KNTC1: variants seen among roughly 807,000 people sequenced by gnomAD.
KNTC1 encodes kinetochore associated 1.
A neutral mutation model predicts 314.4 loss-of-function variants in KNTC1; 253 were observed. The ratio of observed to expected loss-of-function variants is 0.80; its 90% CI spans 0.73 to 0.89. The LOEUF (loss-of-function observed/expected upper bound fraction) is 0.89. KNTC1 is among the 40% of genes least tolerant of loss of function. The probability of loss-of-function intolerance (pLI) is 0.00; values close to 1 mark genes in which losing one functional copy is unlikely to be tolerated. For synonymous variants in KNTC1, 901 were observed against 901.4 expected, an observed-to-expected ratio of 1.00 and a Z score of 0.01; for missense variants, 2,475 against 2,572.9, an observed-to-expected ratio of 0.96 and a Z score of 0.82.
chr12:122,583,001 C>A lies in KNTC1; in HGVS notation c.3263+16C>A. ...AAAAATGCAGGTGACATTCCAGATC[C>A]CTGAATTGCATAGCTTCTCTGAAAT... is the stretch of plus-strand genomic sequence containing the variant. On this transcript the variant is annotated intron_variant, in intron 34 of 63. Transcript: ENST00000333479. 2 of 1,590,740 alleles carry A rather than the reference C, an allele frequency of 1.3e-6. No homozygotes were observed. The highest frequency in any genetic ancestry group is 8.6e-7 in the Non-Finnish European group (1 of 1,166,074).
In KNTC1 at chr12:122,611,016, A is replaced by G. The variant is rs182939194; in HGVS notation, c.5622+116A>G. ...GATGATTCAGATAATGCTCACGTAC[A>G]TATGTATTCAAAGTCTGTCTCATCT... is the stretch of plus-strand genomic sequence containing the variant. On this transcript the variant is annotated intron_variant, in intron 53 of 63. Transcript: ENST00000333479. 9.6e-6 allele frequency: 7 copies of G among 729,134 alleles called. No homozygotes were observed. The East Asian group carries it at 1.0e-4, about 11-fold the overall frequency. The allele number at this position is 729,134 out of a possible 1,614,324, so 45.2% of individuals were successfully genotyped here.
intron 40 of KNTC1, among the ~76,000 whole-genome samples, chr12:122,589,620 T>G (rs61954972): frequency 0.78 from 118,150 of 150,956 alleles, 46,686 homozygotes; most frequent in African/African-American, 0.88. Context: ...CTGCTGGTGT[T>G]TTACCATGCC....
At chr12:122,612,273 C>G (rs1419041323) in intron 53 of KNTC1, among the ~76,000 whole-genome samples, 1 of 151,400 alleles carries the variant, frequency 6.6e-6, no homozygotes, top group Non-Finnish European at 1.5e-5. Flanking sequence ...ACCATGTTGG[C>G]CAGGCTGGTC....
At chr12:122,603,285 A>T in intron 48 of KNTC1, 42 bp downstream of exon 48, 1 of 1,330,646 alleles carries the variant, frequency 7.5e-7, no homozygotes, top group African/African-American at 1.5e-5. Context: ...AAAAAAAAAA[A>T]AAGTACTCTT....
intron 2 of KNTC1, among the ~76,000 whole-genome samples, chr12:122,531,681 A>G (rs181511616): frequency 2.0e-4 from 31 of 152,260 alleles, no homozygotes; most frequent in African/African-American, 6.0e-4. Flanking sequence ...GAATCCTTCG[A>G]GACATCTGAA....
intron 42 of KNTC1, among the ~76,000 whole-genome samples, chr12:122,592,019 T>C (rs2138050587): frequency 6.6e-6 from 1 of 152,182 alleles, no homozygotes; most frequent in South Asian, 2.1e-4. Context: ...CAGGGAGGTG[T>C]GGAGGGAGAG....
At chr12:122,590,134 A>G (rs963497861) in intron 40 of KNTC1, among the ~76,000 whole-genome samples, 3 of 152,146 alleles carry the variant, frequency 2.0e-5, no homozygotes, top group Non-Finnish European at 4.4e-5. Flanking sequence ...AATTTTAAGA[A>G]TAGCACAAAG....
chr12:122,582,586 A>G (rs993431960), intron 33 of KNTC1, 119 bp from the exon 34 acceptor site: 3 of 901,100 alleles, frequency 3.3e-6, no homozygotes, highest in African/African-American at 1.7e-5. Context: ...AAGCCCAGAC[A>G]TGTACCCCTG....
At chr12:122,618,624 G>T in intron 59 of KNTC1, 79 bp downstream of exon 59, 1 of 1,030,316 alleles carries the variant, frequency 9.7e-7, no homozygotes, top group South Asian at 1.3e-5. Context: ...TATCTCTAAT[G>T]AGTAATTCCT....
At chr12:122,573,661 C>T (rs574201678) in intron 26 of KNTC1, among the ~76,000 whole-genome samples, 1 of 152,264 alleles carries the variant, frequency 6.6e-6, no homozygotes, top group Admixed American at 6.5e-5. Flanking sequence ...GTAAGAAGTA[C>T]ATTGGTTCGA....
At chr12:122,531,706 A>G (rs1191407933) in intron 2 of KNTC1, among the ~76,000 whole-genome samples, 2 of 151,970 alleles carry the variant, frequency 1.3e-5, no homozygotes, top group African/African-American at 4.8e-5. Context: ...CAGTTTCTAT[A>G]ATGAGGAAAT....
chr12:122,617,575 T>G, intron 57 of KNTC1: 1 of 204,590 alleles, frequency 4.9e-6, no homozygotes, highest in South Asian at 6.7e-5. Context: ...GTCCCCTTCC[T>G]TCTTTCCTGT....
chr12:122,536,929 A>G (rs1432827946), intron 3 of KNTC1, among the ~76,000 whole-genome samples: 1 of 152,246 alleles, frequency 6.6e-6, no homozygotes, highest in African/African-American at 2.4e-5. Context: ...TGATTGCAAC[A>G]TGGAGGCAAG....
chr12:122,535,470 G>A (rs1961720369), intron 3 of KNTC1, among the ~76,000 whole-genome samples: 1 of 152,088 alleles, frequency 6.6e-6, no homozygotes, highest in African/African-American at 2.4e-5. Flanking sequence ...GTGAAATCCC[G>A]TTTTCTCTAC....
chr12:122,619,603 G>A (rs538190381), intron 59 of KNTC1, among the ~76,000 whole-genome samples: 3 of 151,936 alleles, frequency 2.0e-5, no homozygotes, highest in South Asian at 2.1e-4. Context: ...TAATAGAGAC[G>A]GGGTTTCTCC....
chr12:122,566,096 C>T (rs1207208961), intron 20 of KNTC1, among the ~76,000 whole-genome samples: 1 of 151,688 alleles, frequency 6.6e-6, no homozygotes, highest in Admixed American at 6.6e-5. Flanking sequence ...GCGTCTGCCA[C>T]CACACCCAGC....
At position 122,574,988 on chromosome 12, in the gene KNTC1, C is replaced by T. The variant is rs139552046; in HGVS notation, c.2383-555C>T. Among the ~76,000 whole-genome samples, 215 of 152,322 alleles carry T rather than the reference C, an allele frequency of 1.4e-3. 1 individual carries two copies. Among genetic ancestry groups the T allele is most frequent in the African/African-American group, 5.1e-3 (210 of 41,576 alleles). On this transcript the variant is annotated intron_variant, in intron 27 of 63. Transcript: ENST00000333479. The stretch of plus-strand genomic sequence containing the variant: ...TTAAACCAGAGACTGAGGCTGGACA[C>T]AGTGGCTCATGCCTGTAATCCCAGC...
chr12:122,569,789 A>C lies in KNTC1; in HGVS notation c.1825A>C (p.Ile609Leu). Residue 609 changes from isoleucine to leucine, a missense_variant, in exon 22 of 64, where the codon ATT becomes CTT. Ile to Leu is a conservative substitution (Grantham distance 5). Transcript: ENST00000333479. ...GTGTCCATGGTTTAAAAATGATGTGATTCCATTTGTAAGAAGGACTGTGCC... is the reference window on the plus strand; with the variant it reads ...GTGTCCATGGTTTAAAAATGATGTGCTTCCATTTGTAAGAAGGACTGTGCC... ...KLCPWFKNDV[I>L]PFVRRTVPEG... 1 of 1,613,688 alleles carries C rather than the reference A, an allele frequency of 6.2e-7. No homozygotes were observed. The highest frequency in any genetic ancestry group is 8.5e-7 in the Non-Finnish European group (1 of 1,179,780).
chr12:122,536,933 A>G (rs1961885112), intron 3 of KNTC1, among the ~76,000 whole-genome samples: 1 of 152,248 alleles, frequency 6.6e-6, no homozygotes, highest in African/African-American at 2.4e-5. Flanking sequence ...TGCAACATGG[A>G]GGCAAGAAAC....
Sources: gnomAD v4.1 joint callset for allele counts (sites outside exome capture counted in the v4.1 genomes callset) on GRCh38, gnomAD v4.1.1 for gene constraint, MANE v1.5 for transcripts, NCBI Gene and HGNC (gene_info 2026-07-23, HGNC 2026-07-21) for gene names.